ZNF592: variants seen among roughly 807,000 people sequenced by gnomAD.
ZNF592 encodes zinc finger protein 592.
In ZNF592, 11 loss-of-function variants were observed where a neutral mutation model predicts 80.3. The observed-to-expected ratio is 0.14, with a 90% CI of 0.09 to 0.23. ZNF592 has a LOEUF of 0.23. Among genes scored for constraint, ZNF592 ranks in the 10% least tolerant of loss-of-function variants. The probability of loss-of-function intolerance (pLI) is 1.00; values close to 1 mark genes in which losing one functional copy is unlikely to be tolerated. For synonymous variants in ZNF592, 646 were observed against 640.3 expected, an observed-to-expected ratio of 1.01 and a Z score of -0.13; for missense variants, 1,420 against 1,633.9, an observed-to-expected ratio of 0.87 and a Z score of 2.26.
rs1567080223 is a variant in ZNF592, at chr15:84,802,394, C to G, written c.*1C>G. ...CCACACACTGTCCCCTCAGGTGTGA[C>G]CGGAGACTTTGCAGTGTGCATGGTC... On this transcript the variant is annotated 3_prime_UTR_variant, in exon 11 of 11. Coordinates refer to ENST00000560079, the MANE Select transcript of ZNF592 (RefSeq NM_014630.3). 2.5e-6 allele frequency: 4 copies of G among 1,613,350 alleles called. No individual in the cohort carries two copies. The East Asian group carries it at 6.7e-5, about 27-fold the overall frequency.
intron 1 of ZNF592, among the ~76,000 whole-genome samples, chr15:84,754,193 C>CT (rs1047712701): frequency 2.0e-5 from 3 of 152,206 alleles, no homozygotes; most frequent in African/African-American, 7.2e-5. Context: ...CTGTCGTCCC[C>CT]TGGTCACTGC....
At chr15:84,772,064 C>A (rs970662881) in intron 2 of ZNF592, among the ~76,000 whole-genome samples, 1 of 152,176 alleles carries the variant, frequency 6.6e-6, no homozygotes, top group Non-Finnish European at 1.5e-5. Context: ...ACTATTGATA[C>A]CATAGGAGTG....
chr15:84,750,017 C>T (rs903656213), intron 1 of ZNF592, among the ~76,000 whole-genome samples: 1 of 152,200 alleles, frequency 6.6e-6, no homozygotes, highest in South Asian at 2.1e-4. Flanking sequence ...AATTAATAGT[C>T]GTGGCCGGGC....
intron 2 of ZNF592, among the ~76,000 whole-genome samples, chr15:84,767,227 A>G (rs1478033131): frequency 6.6e-6 from 1 of 151,904 alleles, no homozygotes; most frequent in Non-Finnish European, 1.5e-5. Flanking sequence ...TAGTTTCACC[A>G]TGTTGCCTGG....
intron 3 of ZNF592, among the ~76,000 whole-genome samples, chr15:84,780,199 C>G (rs1962381984): frequency 6.6e-6 from 1 of 152,052 alleles, no homozygotes; most frequent in African/African-American, 2.4e-5. Context: ...GTTGGCCAGG[C>G]TGGTCTCAAA....
chr15:84,770,704 C>A (rs779234826), intron 2 of ZNF592, among the ~76,000 whole-genome samples: 156 of 151,642 alleles, frequency 1.0e-3, no homozygotes, highest in Non-Finnish European at 1.1e-3. Context: ...AAAAAAAAAA[C>A]AACCAAAAAG....
At position 84,805,397 on chromosome 15, in the gene ZNF592, C is replaced by T. The variant is rs1055347194; in HGVS notation, c.*3004C>T. 6.6e-6 allele frequency: 1 copy of T among 152,246 alleles called. No individual in the cohort carries two copies. Among genetic ancestry groups the T allele is most frequent in the Non-Finnish European group, 1.5e-5 (1 of 68,028 alleles). The allele number at this position is 152,246 out of a possible 1,614,324, so 9.4% of individuals were successfully genotyped here. A position where few individuals can be genotyped will look rare whatever the true frequency, so the allele number is the denominator to read the frequency against. On this transcript the variant is annotated 3_prime_UTR_variant, in exon 11 of 11. Transcript: ENST00000560079. ...ATCAGAAAATGCTTGCTGTAACAAG[C>T]GTTTATCTGCACATTATGCTGCAGT... is the stretch of plus-strand genomic sequence containing the variant.
chr15:84,800,430 A>T (rs1284745002), intron 10 of ZNF592, among the ~76,000 whole-genome samples: 3 of 151,998 alleles, frequency 2.0e-5, no homozygotes, highest in Non-Finnish European at 4.4e-5. Flanking sequence ...TTGCCCTATG[A>T]CCTCATCCCT....
In ZNF592 at chr15:84,798,361, C is replaced by A; in HGVS notation, c.2623C>A (p.His875Asn). The A allele has an allele frequency of 6.2e-7, 1 of 1,614,194 alleles. No homozygotes were observed. Among genetic ancestry groups the A allele is most frequent in the Non-Finnish European group, 8.5e-7 (1 of 1,180,040 alleles). Residue 875 changes from histidine (H) to asparagine (N), a missense_variant, in exon 7 of 11, where the codon CAC becomes AAC. Physicochemically the swap from His to Asn is moderately conservative, Grantham distance 68. Coordinates refer to ENST00000560079, the MANE Select transcript of ZNF592 (RefSeq NM_014630.3). The surrounding 1 kb of genome is among the most constrained non-coding windows in gnomAD (Gnocchi z 4.5). ...TGAAATGGTCTTCAACAAGAAGAGGCACATTCAGCAGCATTTTTACCAGAA... is the reference window on the plus strand; with the variant it reads ...TGAAATGGTCTTCAACAAGAAGAGGAACATTCAGCAGCATTTTTACCAGAA... ...SCEMVFNKKR[H>N]IQQHFYQNVS...
At chr15:84,770,365 T>C (rs762628607) in intron 2 of ZNF592, among the ~76,000 whole-genome samples, 48 of 152,186 alleles carry the variant, frequency 3.2e-4, no homozygotes, top group Non-Finnish European at 5.1e-4. Context: ...AACACTTTAC[T>C]GAAATGTTCA....
intron 1 of ZNF592, among the ~76,000 whole-genome samples, chr15:84,763,546 G>T (rs1899412863): frequency 6.6e-6 from 1 of 152,140 alleles, no homozygotes; most frequent in African/African-American, 2.4e-5. Context: ...CACAGTGTCT[G>T]CTTGTTAGTT....
chr15:84,781,089 G>A (rs1190322070), intron 3 of ZNF592, among the ~76,000 whole-genome samples: 1 of 151,726 alleles, frequency 6.6e-6, no homozygotes, highest in East Asian at 1.9e-4. Context: ...TCACTCTGTC[G>A]CCCAGGCTGG....
intron 4 of ZNF592, among the ~76,000 whole-genome samples, chr15:84,789,049 T>C (rs55841622): frequency 7.2e-6 from 1 of 139,238 alleles, no homozygotes; most frequent in Non-Finnish European, 1.6e-5. Context: ...TGTCTCTATT[T>C]AAAAAAAAAA....
At chr15:84,796,267 T>TATATATATATATATATATATA (rs1567076315) in intron 5 of ZNF592, among the ~76,000 whole-genome samples, 3 of 44,234 alleles carry the variant, frequency 6.8e-5, no homozygotes, top group South Asian at 1.1e-3. Flanking sequence ...TATATATATT[T>TATATATATATATATATATATA]TATATATATA....
At chr15:84,791,973 C>T (rs1962762330) in intron 5 of ZNF592, among the ~76,000 whole-genome samples, 1 of 152,202 alleles carries the variant, frequency 6.6e-6, no homozygotes, top group South Asian at 2.1e-4. Context: ...TGGACTTTAT[C>T]CAATGGACAG....
chr15:84,777,696 T>C (rs149236471), intron 2 of ZNF592, among the ~76,000 whole-genome samples: 40,535 of 94,380 alleles, frequency 0.43, 7,355 homozygotes, highest in East Asian at 0.67. Context: ...TTGAGATACT[T>C]TTTTTTTTTT....
Position 84,783,479 on chromosome 15 carries a change from C to T in ZNF592, c.804C>T (p.Val268=). The change falls in exon 4 of 11, where the codon GTC becomes GTT. Residue 268 remains valine, a synonymous_variant. Coordinates refer to ENST00000560079, the MANE Select transcript of ZNF592 (RefSeq NM_014630.3). This position sits in a 1 kb window ranked among gnomAD's most constrained non-coding sequence, Gnocchi z 5.0. The part of the protein sequence containing the change: ...LARELGTCSS[V]PPRQRLKPAH... ...GGGAGCTTGGTACCTGCTCATCAGT[C>T]CCCCCTAGGCAGCGTCTAAAGCCAG... 3 of 1,614,188 alleles carry T rather than the reference C, an allele frequency of 1.9e-6. No individual in the cohort carries two copies. Among genetic ancestry groups the T allele is most frequent in the Non-Finnish European group, 1.7e-6 (2 of 1,180,024 alleles).
At position 84,790,902 on chromosome 15, in the gene ZNF592, G is replaced by C. The variant is rs201378293; in HGVS notation, c.2399+19G>C. On this transcript the variant is annotated intron_variant, in intron 5 of 10. Transcript: ENST00000560079. The stretch of plus-strand genomic sequence containing the variant: ...GCTACAGGTGGGTGCTGCCTGGCTT[G>C]CTGTCCTGGTATTGCCCAATGGCTG... The C allele has an allele frequency of 2.5e-6, 4 of 1,614,144 alleles. No homozygotes were observed.
intron 2 of ZNF592, among the ~76,000 whole-genome samples, chr15:84,771,997 A>T (rs1449977767): frequency 1.3e-5 from 2 of 152,188 alleles, no homozygotes; most frequent in Non-Finnish European, 2.9e-5. Context: ...GAGATCCTTA[A>T]AGTTAGTTTA....
Sources: gnomAD v4.1 joint callset for allele counts (sites outside exome capture counted in the v4.1 genomes callset) on GRCh38, gnomAD v4.1.1 for gene constraint, Gnocchi (gnomAD v3.1) non-coding constraint, MANE v1.5 for transcripts, NCBI Gene and HGNC (gene_info 2026-07-23, HGNC 2026-07-21) for gene names.